The following USP45 variants were observed in gnomAD, a reference collection of about 807,000 sequenced individuals.
The protein encoded by USP45 is ubiquitin specific peptidase 45.
In USP45, 89 loss-of-function variants were observed where a neutral mutation model predicts 95.8. The observed-to-expected ratio is 0.93, with a 90% CI of 0.78 to 1.11. The LOEUF is 1.11. Among genes scored for constraint, USP45 ranks in the 50% least tolerant of loss-of-function variants. The pLI, the probability that USP45 is intolerant of heterozygous loss-of-function variation, is 0.00. For missense variants in USP45, 898 were observed against 942.5 expected (o/e 0.95, Z 0.62); for synonymous variants, 281 against 316.2 (o/e 0.89, Z 1.18).
intron 13 of USP45, chr6:99,461,012 G>A (rs539894662): frequency 2.2e-4 from 219 of 985,268 alleles, no homozygotes; most frequent in South Asian, 3.3e-4. Context: ...AAAACGCTGC[G>A]CAGCTAACAG....
At chr6:99,474,749 G>A (rs1237036236) in intron 9 of USP45, among the ~76,000 whole-genome samples, 3 of 152,188 alleles carry the variant, frequency 2.0e-5, no homozygotes, top group Non-Finnish European at 4.4e-5. Context: ...GGAACGATCA[G>A]CAATGTCTTC....
intron 17 of USP45, among the ~76,000 whole-genome samples, chr6:99,436,629 T>C (rs1174399042): frequency 4.0e-5 from 6 of 149,606 alleles, no homozygotes; most frequent in Non-Finnish European, 8.9e-5. Flanking sequence ...CTCCAACTCT[T>C]CTGACAATCT....
intron 13 of USP45, among the ~76,000 whole-genome samples, chr6:99,459,936 T>C (rs1458847136): frequency 6.6e-6 from 1 of 152,198 alleles, no homozygotes; most frequent in Admixed American, 6.5e-5. Flanking sequence ...TAATTCCCTA[T>C]CTTTTCCCTC....
chr6:99,464,538 T>C, intron 13 of USP45, 66 bp downstream of exon 13: 1 of 1,523,612 alleles, frequency 6.6e-7, no homozygotes, highest in Non-Finnish European at 8.8e-7. Flanking sequence ...TACTTTTAGA[T>C]GTGCTTGAAA....
At chr6:99,454,285 T>C (rs1381413843) in intron 13 of USP45, among the ~76,000 whole-genome samples, 3 of 152,182 alleles carry the variant, frequency 2.0e-5, no homozygotes, top group Non-Finnish European at 4.4e-5. Flanking sequence ...TAGAATGTTA[T>C]CTCTCACCAT....
At chr6:99,480,141 G>C (rs747777195) in intron 8 of USP45, among the ~76,000 whole-genome samples, 3 of 152,078 alleles carry the variant, frequency 2.0e-5, no homozygotes, top group Non-Finnish European at 4.4e-5. Flanking sequence ...TTTAAAAAGA[G>C]TACCATTTAC....
chr6:99,486,712 C>T (rs1342299631), intron 7 of USP45, among the ~76,000 whole-genome samples: 3 of 151,494 alleles, frequency 2.0e-5, no homozygotes, highest in Non-Finnish European at 4.4e-5. Flanking sequence ...TCAAAAGTGC[C>T]TACTGGGAAA....
At chr6:99,455,089 C>CAAAA (rs56978977) in intron 13 of USP45, among the ~76,000 whole-genome samples, 19 of 126,678 alleles carry the variant, frequency 1.5e-4, no homozygotes, top group Admixed American at 1.0e-3. Context: ...CACTCCATCT[C>CAAAA]AAAAAAAAAA....
rs140265071 is a variant in USP45 at position 99,456,679 on chromosome 6, G to C, written c.1308+7925C>G. Among the ~76,000 whole-genome samples, 55 of 152,256 alleles carry C rather than the reference G, an allele frequency of 3.6e-4. No homozygotes were observed. In the East Asian group the frequency reaches 9.5e-3, roughly 26 times the overall value. On this transcript the variant is annotated intron_variant, in intron 13 of 17. Transcript: ENST00000500704. ...CTTTAATCTCTTAATCCTGTCAGCTGAGGAGGATGTATGTTGCCTCAGGAC... is the reference window on the plus strand; with the variant it reads ...CTTTAATCTCTTAATCCTGTCAGCTCAGGAGGATGTATGTTGCCTCAGGAC...
chr6:99,470,027 A>T lies in USP45; in HGVS notation c.934-1409T>A, dbSNP rs76425452. ...AGAAAGACAAGAACACGGGATATAA[A>T]CAATGGCAAAGTCAAAACACAAGAG... On this transcript the variant is annotated intron_variant, in intron 9 of 17. Coordinates refer to ENST00000500704, the MANE Select transcript of USP45 (RefSeq NM_001346022.3). 4.9e-3 allele frequency among the ~76,000 whole-genome samples: 746 copies of T among 152,318 alleles called. 11 individuals are homozygous for T. Among genetic ancestry groups the T allele is most frequent in the African/African-American group, 0.017 (712 of 41,570 alleles).
At chr6:99,461,234 T>C in intron 13 of USP45, 1 of 985,392 alleles carries the variant, frequency 1.0e-6, no homozygotes, top group South Asian at 4.7e-5. Flanking sequence ...AATTTGAGAT[T>C]TTCCAGTCTC....
chr6:99,488,904 T>A, intron 5 of USP45, 84 bp from the exon 6 acceptor site: 1 of 1,029,514 alleles, frequency 9.7e-7, no homozygotes, highest in Non-Finnish European at 1.3e-6. Flanking sequence ...TATTTAAAAT[T>A]AAATTTAAAT....
At chr6:99,456,949 C>T (rs953952679) in intron 13 of USP45, among the ~76,000 whole-genome samples, 11 of 152,270 alleles carry the variant, frequency 7.2e-5, no homozygotes, top group South Asian at 2.1e-4. Flanking sequence ...AAAGAGAATG[C>T]GTGCCTGGGG....
chr6:99,457,245 G>A (rs1036170904), intron 13 of USP45, among the ~76,000 whole-genome samples: 1 of 152,100 alleles, frequency 6.6e-6, no homozygotes, highest in Non-Finnish European at 1.5e-5. Flanking sequence ...CTATTACCTT[G>A]TAAAGTACTT....
At chr6:99,492,738 C>T (rs2397339) in intron 5 of USP45, among the ~76,000 whole-genome samples, 129,740 of 152,048 alleles carry the variant, frequency 0.85, 56,063 homozygotes, top group East Asian at 1. Flanking sequence ...GTGATCTGCA[C>T]GCCTTGGCCT....
intron 7 of USP45, among the ~76,000 whole-genome samples, chr6:99,487,976 A>G (rs559759779): frequency 6.6e-6 from 1 of 152,190 alleles, no homozygotes; most frequent in Non-Finnish European, 1.5e-5. Context: ...AGCTGCCTTG[A>G]TATCTTTTTA....
rs543122793 is a variant in USP45 at position 99,504,096 on chromosome 6, G to A, written c.378-231C>T. Among the ~76,000 whole-genome samples the A allele has an allele frequency of 1.1e-4, 17 of 152,264 alleles. No homozygotes were observed. In the South Asian group the frequency reaches 3.1e-3, roughly 28 times the overall value. On this transcript the variant is annotated intron_variant, in intron 4 of 17. Transcript: ENST00000500704. The stretch of plus-strand genomic sequence containing the variant: ...TATCTTAGGTATAATGAAATGCCAC[G>A]AGAGGGTTTTTAAGCAGGGCCATGA...
intron 13 of USP45, among the ~76,000 whole-genome samples, chr6:99,454,143 A>G (rs1784501793): frequency 6.6e-6 from 1 of 152,158 alleles, no homozygotes; most frequent in Non-Finnish European, 1.5e-5. Flanking sequence ...AGTGCAACAG[A>G]ATAAAGAAAT....
Position 99,466,525 on chromosome 6 carries a change from AGCG to A in USP45, c.1107+144_1107+146del. The A allele has an allele frequency of 4.7e-6, 3 of 642,736 alleles. No individual in the cohort carries two copies. The South Asian group carries it at 5.6e-5, about 12-fold the overall frequency. The allele number at this position is 642,736 out of a possible 1,614,324, so 39.8% of individuals were successfully genotyped here. A position where few individuals can be genotyped will look rare whatever the true frequency, so the allele number is the denominator to read the frequency against. On this transcript the variant is annotated intron_variant, in intron 11 of 17. Transcript: ENST00000500704. ...TATCACATTTACTTTCTAGGAGTGTAGCGTATAAAAAGACTTTCAAGAATCATT... is the reference window on the plus strand; with the variant it reads ...TATCACATTTACTTTCTAGGAGTGTATATAAAAAGACTTTCAAGAATCATT...
Sources: allele counts gnomAD v4.1 joint callset (sites outside exome capture counted in the v4.1 genomes callset), GRCh38; gene constraint gnomAD v4.1.1; transcripts MANE v1.5; gene names NCBI Gene and HGNC (gene_info 2026-07-23, HGNC 2026-07-21).